Variants in RNF111 observed in about 807,000 individuals in gnomAD.
RNF111 encodes ring finger protein 111.
In RNF111, 17 loss-of-function variants were observed where a neutral mutation model predicts 95.1. That is an observed-to-expected ratio of 0.18 (90% CI 0.12 to 0.27). The LOEUF (loss-of-function observed/expected upper bound fraction) is 0.27. Ranked by LOEUF, RNF111 falls within the 10% of genes least tolerant of loss-of-function variation. RNF111 has a pLI of 1.00. For synonymous variants in RNF111, 440 were observed against 414.8 expected (o/e 1.06, Z -0.74); for missense variants, 1,189 against 1,210.4 (o/e 0.98, Z 0.26).
chr15:59,021,582 T>C (rs2040345594), intron 1 of RNF111, among the ~76,000 whole-genome samples: 1 of 152,236 alleles, frequency 6.6e-6, no homozygotes, highest in Admixed American at 6.5e-5. Flanking sequence ...CCATGTGCTT[T>C]GTTAGGTACT....
intron 3 of RNF111, among the ~76,000 whole-genome samples, chr15:59,054,877 T>G (rs1349203064): frequency 6.6e-6 from 1 of 152,222 alleles, no homozygotes; most frequent in Non-Finnish European, 1.5e-5. Context: ...AGAAAGCCCT[T>G]GTGTTTTATT....
At chr15:59,047,863 C>G (rs1253830534) in intron 2 of RNF111, among the ~76,000 whole-genome samples, 1 of 152,236 alleles carries the variant, frequency 6.6e-6, no homozygotes, top group African/African-American at 2.4e-5. Flanking sequence ...GCGTGAGCCA[C>G]TGTATCCAGC....
intron 5 of RNF111, among the ~76,000 whole-genome samples, chr15:59,061,585 A>G (rs1176623271): frequency 1.3e-5 from 2 of 152,224 alleles, no homozygotes; most frequent in African/African-American, 4.8e-5. Flanking sequence ...CAATGCCTCC[A>G]TATAAACTTT....
At chr15:59,071,845 C>G (rs922760026) in intron 6 of RNF111, among the ~76,000 whole-genome samples, 2 of 152,056 alleles carry the variant, frequency 1.3e-5, no homozygotes, top group African/African-American at 4.8e-5. Flanking sequence ...AGGTTTGGTT[C>G]CAGACAACCA....
intron 10 of RNF111, among the ~76,000 whole-genome samples, chr15:59,086,467 T>G (rs1345233932): frequency 6.6e-6 from 1 of 152,234 alleles, no homozygotes; most frequent in East Asian, 1.9e-4. Flanking sequence ...ACATCTGATT[T>G]AAGCAGGTTC....
rs576882738 is a variant in RNF111, at chr15:59,035,223, A to G, written c.880+3521A>G. On this transcript the variant is annotated intron_variant, in intron 2 of 13. Transcript: ENST00000348370. ...CTGTCCATGACACGTGGGAATTATT[A>G]TAAGTCAAGGTGAGATTTGGGTAGG... Among the ~76,000 whole-genome samples, 137 of 152,316 alleles carry G rather than the reference A, an allele frequency of 9.0e-4. 1 individual carries two copies. Among genetic ancestry groups the G allele is most frequent in the Non-Finnish European group, 1.0e-4 (7 of 68,016 alleles).
chr15:59,052,011 ATATC>A lies in RNF111; in HGVS notation c.881-290_881-287del, dbSNP rs761620305. Among the ~76,000 whole-genome samples the A allele has an allele frequency of 5.9e-5, 9 of 152,232 alleles. No individual in the cohort carries two copies. The East Asian group carries it at 1.3e-3, about 23-fold the overall frequency. On this transcript the variant is annotated intron_variant, in intron 2 of 13. Coordinates refer to ENST00000348370, the MANE Select transcript of RNF111 (RefSeq NM_017610.8). ...ATATACTACAGATATTACAGGATAA[ATATC>A]TATATAAGATCTTACAAATCATGTA...
At chr15:59,044,570 T>C (rs567593321) in intron 2 of RNF111, among the ~76,000 whole-genome samples, 8 of 152,308 alleles carry the variant, frequency 5.3e-5, no homozygotes, top group East Asian at 1.9e-4. Context: ...CAGAGAAATA[T>C]GTTATTTTTC....
chr15:59,021,839 C>T (rs1211408608), intron 1 of RNF111, among the ~76,000 whole-genome samples: 1 of 151,882 alleles, frequency 6.6e-6, no homozygotes, highest in Non-Finnish European at 1.5e-5. Context: ...TTGGTTATTG[C>T]TATGCGTTCA....
chr15:59,017,626 A>G (rs527470630), intron 1 of RNF111, among the ~76,000 whole-genome samples: 18 of 152,324 alleles, frequency 1.2e-4, no homozygotes, highest in South Asian at 8.3e-4. Flanking sequence ...AGTTAAAATA[A>G]CAGAAATCTC....
intron 6 of RNF111, 80 bp downstream of exon 6, chr15:59,067,163 C>T: frequency 8.3e-7 from 1 of 1,199,140 alleles, no homozygotes; most frequent in Non-Finnish European, 1.2e-6. Context: ...TCTCTCTCTT[C>T]CTCTTCCTTC....
Position 59,085,685 on chromosome 15 carries a change from C to T in RNF111, c.2450C>T (p.Thr817Ile). The T allele has an allele frequency of 6.2e-7, 1 of 1,613,490 alleles. No homozygotes were observed. The highest frequency in any genetic ancestry group is 8.5e-7 in the Non-Finnish European group (1 of 1,179,620). The change falls in exon 10 of 14, where the codon ACT becomes ATT. Residue 817 changes from threonine to isoleucine, a missense_variant. Thr to Ile is a moderately conservative substitution (Grantham distance 89, BLOSUM62 -1). Coordinates refer to ENST00000348370, the MANE Select transcript of RNF111 (RefSeq NM_017610.8). ...AWELGIEAGV[T>I]AATYTPGALH... ...GAACTGGGAATTGAAGCTGGAGTGA[C>T]TGCAGCTACTTATACACCTGGTGCA...
rs1159641108 is a variant in RNF111 at position 59,084,230 on chromosome 15, G to A, written c.2399G>A (p.Arg800Gln). The change falls in exon 9 of 14, where the codon CGA (arginine) becomes CAA (glutamine). Residue 800 changes from arginine to glutamine, a missense_variant. Around this residue, in one of 2 missense-constraint regions of RNF111, gnomAD observed 165 missense variants for 284.6 expected, o/e 0.58. Coordinates refer to ENST00000348370, the MANE Select transcript of RNF111 (RefSeq NM_017610.8). ...CCTCAGACTATGTCCTCACATCCTC[G>A]ACAGGCTCCAGAGAGGTCTGCCTGG... is the stretch of plus-strand genomic sequence containing the variant. Reference protein sequence around the residue: ...HVPQTMSSHPRQAPERSAWEL... With the variant: ...HVPQTMSSHPQQAPERSAWEL... The A allele has an allele frequency of 3.1e-6, 5 of 1,592,998 alleles. No homozygotes were observed. Among genetic ancestry groups the A allele is most frequent in the South Asian group, 2.3e-5 (2 of 87,412 alleles).
intron 2 of RNF111, 128 bp from the exon 3 acceptor site, chr15:59,052,177 C>A (rs1030184051): frequency 1.2e-6 from 1 of 816,634 alleles, no homozygotes; most frequent in Non-Finnish European, 1.8e-6. Flanking sequence ...TTTTAAAAAA[C>A]CTTTTTGACA....
At chr15:59,065,637 A>G (rs1180354497) in intron 5 of RNF111, among the ~76,000 whole-genome samples, 2 of 152,194 alleles carry the variant, frequency 1.3e-5, no homozygotes, top group African/African-American at 4.8e-5. Flanking sequence ...TTTAAAGCAC[A>G]TTTTATTTTC....
chr15:59,033,977 G>A (rs2041045911), intron 2 of RNF111, among the ~76,000 whole-genome samples: 1 of 152,046 alleles, frequency 6.6e-6, no homozygotes, highest in Non-Finnish European at 1.5e-5. Context: ...ACACGATATG[G>A]AATTTTAAAA....
intron 10 of RNF111, among the ~76,000 whole-genome samples, chr15:59,088,585 T>A (rs1596311886): frequency 6.6e-6 from 1 of 152,308 alleles, no homozygotes; most frequent in African/African-American, 2.4e-5. Context: ...AGAGATTTAT[T>A]TATAAAGATG....
At chr15:58,999,750 T>A (rs574555334) in intron 1 of RNF111, among the ~76,000 whole-genome samples, 15 of 152,202 alleles carry the variant, frequency 9.9e-5, no homozygotes, top group African/African-American at 3.6e-4. Context: ...ACTGGGTAAT[T>A]TATAAAGAAA....
chr15:59,067,129 C>A, intron 6 of RNF111, 46 bp downstream of exon 6: 1 of 1,422,260 alleles, frequency 7.0e-7, no homozygotes. Context: ...CCTCTTGTCT[C>A]TCTCTCTCTC....
Sources: gnomAD v4.1 joint callset for allele counts (sites outside exome capture counted in the v4.1 genomes callset) on GRCh38, gnomAD v4.1.1 for gene constraint, gnomAD v4.1.1 regional missense constraint, MANE v1.5 for transcripts, NCBI Gene and HGNC (gene_info 2026-07-23, HGNC 2026-07-21) for gene names.